The following ST3GAL2 variants were observed in gnomAD, a reference collection of about 807,000 sequenced individuals.
ST3GAL2 encodes the protein CMP-N-acetylneuraminate-beta-galactosamide-alpha-2,3-sialyltransferase 2.
ST3GAL2 carries 16 observed loss-of-function variants against 37.5 expected under a neutral mutation model. The observed-to-expected ratio is 0.43, with a 90% CI of 0.29 to 0.65. The LOEUF (loss-of-function observed/expected upper bound fraction) is 0.65, where lower values mean the gene tolerates loss of function less well. ST3GAL2 is among the 30% of genes least tolerant of loss of function. The pLI, the probability that ST3GAL2 is intolerant of heterozygous loss-of-function variation, is 0.17. For synonymous variants in ST3GAL2, 238 were observed against 202.9 expected (o/e 1.17, Z -1.47); for missense variants, 383 against 487.8 (o/e 0.79, Z 2.02).
intron 4 of ST3GAL2, among the ~76,000 whole-genome samples, chr16:70,385,994 A>T (rs1461682064): frequency 6.6e-6 from 1 of 151,998 alleles, no homozygotes; most frequent in Non-Finnish European, 1.5e-5. Context: ...GGTGTGAGCC[A>T]CTGCACCCGG....
intron 4 of ST3GAL2, among the ~76,000 whole-genome samples, chr16:70,386,439 G>C (rs537597840): frequency 6.6e-6 from 1 of 152,030 alleles, no homozygotes; most frequent in East Asian, 1.9e-4. Flanking sequence ...TGATCCGCCC[G>C]CCTGGTCTCT....
chr16:70,390,456 A>G (rs565259179), intron 3 of ST3GAL2, among the ~76,000 whole-genome samples: 122 of 152,206 alleles, frequency 8.0e-4, no homozygotes, highest in African/African-American at 2.9e-3. Flanking sequence ...CCTCCTTCCT[A>G]TAAGATGGTG....
At chr16:70,428,096 G>A (rs1229602604) in intron 1 of ST3GAL2, among the ~76,000 whole-genome samples, 1 of 152,226 alleles carries the variant, frequency 6.6e-6, no homozygotes, top group Non-Finnish European at 1.5e-5. Context: ...GAACGGAAAG[G>A]TCTGGAAGTC....
intron 1 of ST3GAL2, among the ~76,000 whole-genome samples, chr16:70,436,424 C>G (rs1433412601): frequency 6.8e-6 from 1 of 146,838 alleles, no homozygotes; most frequent in African/African-American, 2.5e-5. Flanking sequence ...GCACTCCAGC[C>G]TGGGCAACAG....
At position 70,380,250 on chromosome 16, in the gene ST3GAL2, A is replaced by T. The variant is rs1269436487; in HGVS notation, c.*1439T>A. 6.6e-6 allele frequency: 1 copy of T among 151,952 alleles called. No homozygotes were observed. The highest frequency in any genetic ancestry group is 1.9e-4 in the East Asian group (1 of 5,180). 9.4% of individuals were successfully genotyped at this position (151,952 alleles called of 1,614,324 possible). A position where few individuals can be genotyped will look rare whatever the true frequency, so the allele number is the denominator to read the frequency against. On this transcript the variant is annotated 3_prime_UTR_variant, in exon 7 of 7. Transcript: ENST00000342907. Reference sequence around the variant, plus strand: ...TTTCAGGGGCCCACTGCCCATCCCAACCCTCCCCTAACAAAGTCCCCTGCC... The same window carrying T: ...TTTCAGGGGCCCACTGCCCATCCCATCCCTCCCCTAACAAAGTCCCCTGCC...
At chr16:70,418,580 G>A (rs959584401) in intron 1 of ST3GAL2, among the ~76,000 whole-genome samples, 3 of 152,114 alleles carry the variant, frequency 2.0e-5, no homozygotes, top group Non-Finnish European at 4.4e-5. Flanking sequence ...TTACAGCCCC[G>A]CTCGGCGAGC....
At chr16:70,437,069 C>A (rs1326808165) in intron 1 of ST3GAL2, among the ~76,000 whole-genome samples, 2 of 152,180 alleles carry the variant, frequency 1.3e-5, no homozygotes, top group Non-Finnish European at 2.9e-5. Flanking sequence ...AGTAGAAATG[C>A]TCCCCTGAGG....
intron 1 of ST3GAL2, among the ~76,000 whole-genome samples, chr16:70,413,604 C>T (rs933896259): frequency 4.1e-5 from 6 of 146,706 alleles, no homozygotes; most frequent in Non-Finnish European, 8.9e-5. Context: ...GGCGTGGTTG[C>T]GCATGCCTGT....
chr16:70,434,234 C>T (rs975932703), intron 1 of ST3GAL2, among the ~76,000 whole-genome samples: 20 of 152,198 alleles, frequency 1.3e-4, no homozygotes, highest in African/African-American at 4.6e-4. Context: ...GTCAGGAGTT[C>T]GAGACCAGCC....
At position 70,410,102 on chromosome 16, in the gene ST3GAL2, G is replaced by A. The variant is rs2047626201; in HGVS notation, c.-1003-10569C>T. The stretch of plus-strand genomic sequence containing the variant: ...TTTGCTTTTTATTTCACCTGATGCT[G>A]TTGTTGTTTTCAAATAGATGAGTTT... On this transcript the variant is annotated intron_variant, in intron 1 of 6. Transcript: ENST00000342907. Among the ~76,000 whole-genome samples the A allele has an allele frequency of 2.0e-5, 3 of 151,418 alleles. No individual in the cohort carries two copies. The South Asian group carries it at 6.2e-4, about 31-fold the overall frequency.
At position 70,381,876 on chromosome 16, in the gene ST3GAL2, C is replaced by A. The variant is rs1295939848; in HGVS notation, c.880-14G>T. The A allele has an allele frequency of 6.2e-7, 1 of 1,612,258 alleles. No homozygotes were observed. Among genetic ancestry groups the A allele is most frequent in the Non-Finnish European group, 8.5e-7 (1 of 1,178,900 alleles). On this transcript the variant is annotated splice_polypyrimidine_tract_variant and intron_variant, in intron 6 of 6. Transcript: ENST00000342907. The stretch of plus-strand genomic sequence containing the variant: ...GTACACGTTCACCTGCGGGGAAGCG[C>A]AGCGGAGCGTCACCCCAGGCGGGGA...
chr16:70,396,190 C>T (rs1377205895), intron 2 of ST3GAL2, among the ~76,000 whole-genome samples: 1 of 150,544 alleles, frequency 6.6e-6, no homozygotes, highest in Non-Finnish European at 1.5e-5. Context: ...AGGCTGGTCT[C>T]GAACTCCCAA....
intron 3 of ST3GAL2, among the ~76,000 whole-genome samples, chr16:70,392,897 G>A (rs1387389843): frequency 6.6e-6 from 1 of 151,794 alleles, no homozygotes; most frequent in East Asian, 1.9e-4. Context: ...CGATCCTCCT[G>A]CCTTAGCCTC....
intron 3 of ST3GAL2, among the ~76,000 whole-genome samples, chr16:70,390,734 T>G (rs1316456366): frequency 6.6e-6 from 1 of 152,200 alleles, no homozygotes; most frequent in Non-Finnish European, 1.5e-5. Flanking sequence ...GTGGCTATAA[T>G]AAGCCAAGAA....
intron 3 of ST3GAL2, among the ~76,000 whole-genome samples, chr16:70,391,199 C>A (rs529826547): frequency 6.6e-6 from 1 of 152,152 alleles, no homozygotes; most frequent in African/African-American, 2.4e-5. Flanking sequence ...CACTGTGCCC[C>A]CTACCTCTCA....
rs529561250 is a variant in ST3GAL2, at chr16:70,436,275, A to C, written c.-1004+2674T>G. Reference sequence around the variant, plus strand: ...AAACCCCGTCTCTACTAAAAATACAAAAAGTAGCGGGGTGTCGTGGCGTAT... The same window carrying C: ...AAACCCCGTCTCTACTAAAAATACACAAAGTAGCGGGGTGTCGTGGCGTAT... On this transcript the variant is annotated intron_variant, in intron 1 of 6. Coordinates refer to ENST00000342907, the MANE Select transcript of ST3GAL2 (RefSeq NM_006927.4). Among the ~76,000 whole-genome samples the C allele has an allele frequency of 5.3e-5, 8 of 152,228 alleles. No individual in the cohort carries two copies. In the South Asian group the frequency reaches 1.5e-3, roughly 28 times the overall value.
At chr16:70,382,751 C>G in intron 6 of ST3GAL2, 54 bp downstream of exon 6, 1 of 1,610,412 alleles carries the variant, frequency 6.2e-7, no homozygotes, top group Non-Finnish European at 8.5e-7. Context: ...CCCGAGAAGG[C>G]CTGCACTCCT....
chr16:70,394,663 C>G (rs547062478), intron 3 of ST3GAL2, among the ~76,000 whole-genome samples: 1 of 152,322 alleles, frequency 6.6e-6, no homozygotes, highest in South Asian at 2.1e-4. Context: ...CAGGTGTGAA[C>G]CACCATGCCC....
In ST3GAL2 at chr16:70,378,403, CAA is replaced by C. The variant is rs59855741; in HGVS notation, c.*3284_*3285del. On this transcript the variant is annotated 3_prime_UTR_variant, in exon 7 of 7. Transcript: ENST00000342907. ...TGGGTGACAGAGCAAGACTCCATCT[CAA>C]AAAAAAAAAAAAAAAAAAGCCAGGC... The C allele has an allele frequency of 2.6e-3, 103 of 39,044 alleles. No homozygotes were observed. The East Asian group carries it at 0.049, about 19-fold the overall frequency. The allele number at this position is 39,044 out of a possible 1,614,324, so 2.4% of individuals were successfully genotyped here.
Sources: allele counts gnomAD v4.1 joint callset (sites outside exome capture counted in the v4.1 genomes callset), GRCh38; gene constraint gnomAD v4.1.1; transcripts MANE v1.5; gene names NCBI Gene and HGNC (gene_info 2026-07-23, HGNC 2026-07-21).